The following DIAPH3 variants were observed in gnomAD, a reference collection of about 807,000 sequenced individuals.
DIAPH3 encodes the protein diaphanous related formin 3.
Under a neutral mutation model 144.3 loss-of-function variants are expected in DIAPH3, and 117 were observed. The ratio of observed to expected loss-of-function variants is 0.81; its 90% CI spans 0.70 to 0.95. The LOEUF is 0.95. Among genes scored for constraint, DIAPH3 ranks in the 40% least tolerant of loss-of-function variants. The probability of loss-of-function intolerance (pLI) is 0.00; values close to 1 mark genes in which losing one functional copy is unlikely to be tolerated. For synonymous variants in DIAPH3, 519 were observed against 488.9 expected (o/e 1.06, Z -0.81); for missense variants, 1,421 against 1,412.7 (o/e 1.01, Z -0.09).
In DIAPH3 at chr13:59,705,946, G is replaced by T. The variant is rs560334090; in HGVS notation, c.3320-39100C>A. Among the ~76,000 whole-genome samples, 5 of 151,406 alleles carry T rather than the reference G, an allele frequency of 3.3e-5. No homozygotes were observed. In the East Asian group the frequency reaches 9.7e-4, roughly 29 times the overall value. The stretch of plus-strand genomic sequence containing the variant: ...AATTAACTATGTATATAATACTTTG[G>T]TTTTCCTCATTTACTGTTGTTATCT... On this transcript the variant is annotated intron_variant, in intron 27 of 27. Coordinates refer to ENST00000400324, the MANE Select transcript of DIAPH3 (RefSeq NM_001042517.2).
chr13:59,666,033 G>T lies in DIAPH3; in HGVS notation c.*551C>A, dbSNP rs1340880424. ...TGAATTCAACAATGATGATAATGGG[G>T]TCACCAGTCATTTCCTTACATATAT... On this transcript the variant is annotated 3_prime_UTR_variant, in exon 28 of 28. Coordinates refer to ENST00000400324, the MANE Select transcript of DIAPH3 (RefSeq NM_001042517.2). The T allele has an allele frequency of 6.6e-6, 1 of 152,518 alleles. No homozygotes were observed. Among genetic ancestry groups the T allele is most frequent in the Non-Finnish European group, 1.5e-5 (1 of 68,406 alleles). The allele number at this position is 152,518 out of a possible 1,614,324, so 9.4% of individuals were successfully genotyped here.
intron 27 of DIAPH3, among the ~76,000 whole-genome samples, chr13:59,704,769 A>G (rs2034319464): frequency 6.6e-6 from 1 of 152,294 alleles, no homozygotes; most frequent in South Asian, 2.1e-4. Flanking sequence ...AGGCTATCCC[A>G]TCTAGGTTTG....
chr13:59,864,834 C>G (rs1188998284), intron 21 of DIAPH3, among the ~76,000 whole-genome samples: 1 of 151,798 alleles, frequency 6.6e-6, no homozygotes, highest in Non-Finnish European at 1.5e-5. Context: ...ATAATGGGAA[C>G]AATCTAGTAT....
At position 60,091,586 on chromosome 13, in the gene DIAPH3, C is replaced by T. The variant is rs78013492; in HGVS notation, c.495+2042G>A. On this transcript the variant is annotated intron_variant, in intron 4 of 27. Coordinates refer to ENST00000400324, the MANE Select transcript of DIAPH3 (RefSeq NM_001042517.2). ...TACATGCGTGAGCCACCACACCTGG[C>T]CTTATAGACACTTAAAAAACAACAA... is the stretch of plus-strand genomic sequence containing the variant. Among the ~76,000 whole-genome samples the T allele has an allele frequency of 1.8e-4, 27 of 152,124 alleles. No homozygotes were observed. In the East Asian group the frequency reaches 5.0e-3, roughly 28 times the overall value.
chr13:59,851,993 T>C (rs2043003165), intron 22 of DIAPH3, among the ~76,000 whole-genome samples: 1 of 152,178 alleles, frequency 6.6e-6, no homozygotes, highest in Admixed American at 6.5e-5. Context: ...TCCTTGCTAA[T>C]ACAAGTGCCT....
intron 27 of DIAPH3, among the ~76,000 whole-genome samples, chr13:59,738,519 G>A (rs897499055): frequency 1.3e-5 from 2 of 152,120 alleles, no homozygotes; most frequent in Non-Finnish European, 2.9e-5. Context: ...CTCCCTCCTT[G>A]TACTGGAGAA....
chr13:59,792,298 G>A (rs796667148), intron 25 of DIAPH3, among the ~76,000 whole-genome samples: 11 of 152,028 alleles, frequency 7.2e-5, no homozygotes, highest in African/African-American at 2.7e-4. Flanking sequence ...AAAAGCACCC[G>A]CCTTTGAGAC....
intron 20 of DIAPH3, among the ~76,000 whole-genome samples, chr13:59,892,330 G>A (rs894764540): frequency 6.6e-6 from 1 of 151,810 alleles, no homozygotes; most frequent in African/African-American, 2.4e-5. Flanking sequence ...GACAAGGGTA[G>A]TAAAAGTTGG....
At chr13:59,864,845 T>C (rs775557330) in intron 21 of DIAPH3, among the ~76,000 whole-genome samples, 22 of 151,932 alleles carry the variant, frequency 1.4e-4, no homozygotes, top group Non-Finnish European at 3.1e-4. Context: ...AATCTAGTAT[T>C]AAAAAGTACA....
intron 2 of DIAPH3, among the ~76,000 whole-genome samples, chr13:60,127,844 A>G (rs1358886119): frequency 6.6e-6 from 1 of 152,162 alleles, no homozygotes; most frequent in Admixed American, 6.5e-5. Flanking sequence ...TCATCAGATT[A>G]TACTCAATAC....
At chr13:60,096,635 T>C (rs1046845205) in intron 3 of DIAPH3, among the ~76,000 whole-genome samples, 2 of 152,200 alleles carry the variant, frequency 1.3e-5, no homozygotes, top group Non-Finnish European at 2.9e-5. Flanking sequence ...GCAGGCACCA[T>C]CTAATCAGCT....
chr13:59,956,941 C>G (rs192393271), intron 17 of DIAPH3, among the ~76,000 whole-genome samples: 2 of 152,210 alleles, frequency 1.3e-5, no homozygotes, highest in East Asian at 3.9e-4. Context: ...TTGCACGGGG[C>G]CTGTAGACCC....
At chr13:59,731,907 T>C (rs1175293387) in intron 27 of DIAPH3, among the ~76,000 whole-genome samples, 1 of 152,208 alleles carries the variant, frequency 6.6e-6, no homozygotes, top group Non-Finnish European at 1.5e-5. Context: ...ACTGATCATC[T>C]TTCTCAATCC....
chr13:59,844,450 G>A (rs2042516942), intron 22 of DIAPH3, among the ~76,000 whole-genome samples: 1 of 149,696 alleles, frequency 6.7e-6, no homozygotes, highest in African/African-American at 2.5e-5. Flanking sequence ...CTTGCAGTGA[G>A]CTGAGATCGC....
chr13:59,862,734 GC>G (rs576592092), intron 21 of DIAPH3, among the ~76,000 whole-genome samples: 44 of 151,618 alleles, frequency 2.9e-4, no homozygotes, highest in Admixed American at 2.9e-3. Flanking sequence ...TTTCATGATT[GC>G]CCCCTAAGAA....
intron 21 of DIAPH3, among the ~76,000 whole-genome samples, chr13:59,870,255 C>T (rs2044176214): frequency 6.6e-6 from 1 of 151,710 alleles, no homozygotes; most frequent in Non-Finnish European, 1.5e-5. Flanking sequence ...GTTCCTTTGT[C>T]AAAATCAACT....
intron 27 of DIAPH3, among the ~76,000 whole-genome samples, chr13:59,734,422 T>A (rs929779950): frequency 1.3e-5 from 2 of 152,144 alleles, no homozygotes; most frequent in African/African-American, 4.8e-5. Context: ...TCATCTCATA[T>A]CAAAAGTTAA....
chr13:59,694,605 C>A (rs1197199068), intron 27 of DIAPH3, among the ~76,000 whole-genome samples: 1 of 152,058 alleles, frequency 6.6e-6, no homozygotes, highest in African/African-American at 2.4e-5. Context: ...CTTGGGATGC[C>A]TACATTTCTG....
rs542860922 is a variant in DIAPH3, at chr13:59,846,850, A to C, written c.2738-7402T>G. Among the ~76,000 whole-genome samples, 12 of 152,274 alleles carry C rather than the reference A, an allele frequency of 7.9e-5. No homozygotes were observed. The East Asian group carries it at 2.3e-3, about 29-fold the overall frequency. On this transcript the variant is annotated intron_variant, in intron 22 of 27. Coordinates refer to ENST00000400324, the MANE Select transcript of DIAPH3 (RefSeq NM_001042517.2). ...CAGCACTTTGGGAGGCTGAGGTGAG[A>C]GGATCACTTGAGGCCAGGGGTTTGA...
Sources: allele counts gnomAD v4.1 joint callset (sites outside exome capture counted in the v4.1 genomes callset), GRCh38; gene constraint gnomAD v4.1.1; transcripts MANE v1.5; gene names NCBI Gene and HGNC (gene_info 2026-07-23, HGNC 2026-07-21).